Variants in LIMD1 observed in about 807,000 individuals in gnomAD.
LIMD1 encodes the protein LIM domain-containing protein 1.
A neutral mutation model predicts 58.4 loss-of-function variants in LIMD1; 23 were observed. The ratio of observed to expected loss-of-function variants is 0.39; its 90% CI spans 0.28 to 0.56. LIMD1 has a LOEUF of 0.56. Ranked by LOEUF, LIMD1 falls within the 20% of genes least tolerant of loss-of-function variation. The pLI is 0.57. For missense variants in LIMD1, 838 were observed against 855.5 expected, an observed-to-expected ratio of 0.98 and a Z score of 0.25; for synonymous variants, 334 against 345.5, an observed-to-expected ratio of 0.97 and a Z score of 0.37.
At chr3:45,634,536 A>G (rs550374884) in intron 1 of LIMD1, among the ~76,000 whole-genome samples, 1 of 152,350 alleles carries the variant, frequency 6.6e-6, no homozygotes, top group East Asian at 1.9e-4. Context: ...TGTCATCCTT[A>G]TAATTTGCCT....
intron 2 of LIMD1, among the ~76,000 whole-genome samples, chr3:45,644,806 G>A (rs1280235904): frequency 6.6e-6 from 1 of 152,190 alleles, no homozygotes. Flanking sequence ...TTCAGCCGCT[G>A]CCTTGGGGTT....
At chr3:45,662,495 C>T (rs1000184937) in intron 2 of LIMD1, among the ~76,000 whole-genome samples, 1 of 152,074 alleles carries the variant, frequency 6.6e-6, no homozygotes, top group Non-Finnish European at 1.5e-5. Context: ...TTACCTATCA[C>T]CCAGAATGCA....
rs1449762131 is a variant in LIMD1 at position 45,681,765 on chromosome 3, A to C, written c.*4706A>C. 1 of 152,242 alleles carries C rather than the reference A, an allele frequency of 6.6e-6. No individual in the cohort carries two copies. Among genetic ancestry groups the C allele is most frequent in the Non-Finnish European group, 1.5e-5 (1 of 68,050 alleles). 9.4% of individuals were successfully genotyped at this position (152,242 alleles called of 1,614,324 possible). ...AACCTGGCAATTGGTGTCTATTCTT[A>C]CCAGATGTATAAAAATGTGAGAGGC... On this transcript the variant is annotated 3_prime_UTR_variant, in exon 8 of 8. Transcript: ENST00000273317.
intron 1 of LIMD1, among the ~76,000 whole-genome samples, chr3:45,627,068 C>T (rs545146322): frequency 6.6e-6 from 1 of 152,232 alleles, no homozygotes; most frequent in South Asian, 2.1e-4. Flanking sequence ...GAAGGAGAGG[C>T]CCTGGGCACA....
chr3:45,595,636 G>C lies in LIMD1; in HGVS notation c.757G>C (p.Gly253Arg). 1.2e-6 allele frequency: 2 copies of C among 1,614,000 alleles called. No homozygotes were observed. The highest frequency in any genetic ancestry group is 2.7e-5 in the African/African-American group (2 of 75,004). Reference sequence around the variant, plus strand: ...CGGTGGTCAGAATAGTGGCATTGGTGGCCGCAGCAGCGAGAAGCCAACAGG... The same window carrying C: ...CGGTGGTCAGAATAGTGGCATTGGTCGCCGCAGCAGCGAGAAGCCAACAGG... ...SLGGQNSGIG[G>R]RSSEKPTGLW... is the part of the protein sequence containing the mutation. Residue 253 changes from glycine to arginine, a missense_variant, in exon 1 of 8, where the codon GGC (glycine) becomes CGC (arginine). By Grantham distance (125) the Gly-to-Arg change is moderately radical. Coordinates refer to ENST00000273317, the MANE Select transcript of LIMD1 (RefSeq NM_014240.3).
At chr3:45,625,632 T>G (rs1379022496) in intron 1 of LIMD1, among the ~76,000 whole-genome samples, 1 of 152,060 alleles carries the variant, frequency 6.6e-6, no homozygotes, top group Non-Finnish European at 1.5e-5. Context: ...GGTGATTAGG[T>G]CATGAAGACT....
intron 1 of LIMD1, among the ~76,000 whole-genome samples, chr3:45,630,613 C>A (rs1471699999): frequency 6.6e-6 from 1 of 151,054 alleles, no homozygotes; most frequent in African/African-American, 2.4e-5. Flanking sequence ...GGAGGTGGGC[C>A]AGGGTGGGTA....
intron 4 of LIMD1, among the ~76,000 whole-genome samples, chr3:45,671,897 A>G (rs193145185): frequency 7.2e-5 from 11 of 152,308 alleles, no homozygotes; most frequent in African/African-American, 2.6e-4. Flanking sequence ...TAATTCAGTT[A>G]CTTACGGACC....
At chr3:45,676,828 A>T in intron 7 of LIMD1, 94 bp from the exon 8 acceptor site, 1 of 1,232,300 alleles carries the variant, frequency 8.1e-7, no homozygotes, top group Non-Finnish European at 1.2e-6. Context: ...AGAAACACAC[A>T]GCACCCTCTG....
intron 1 of LIMD1, among the ~76,000 whole-genome samples, chr3:45,601,407 T>C (rs1186513433): frequency 2.0e-5 from 3 of 152,188 alleles, no homozygotes; most frequent in Admixed American, 2.0e-4. Context: ...GCAGCTGGGA[T>C]AGTCTCTTCA....
chr3:45,636,305 A>C, intron 2 of LIMD1, 54 bp downstream of exon 2: 1 of 1,306,586 alleles, frequency 7.7e-7, no homozygotes, highest in Non-Finnish European at 1.1e-6. Flanking sequence ...GAACATGGGA[A>C]CCGAGAAAGG....
At chr3:45,622,851 A>G (rs1339916260) in intron 1 of LIMD1, among the ~76,000 whole-genome samples, 2 of 151,966 alleles carry the variant, frequency 1.3e-5, no homozygotes, top group Non-Finnish European at 2.9e-5. Context: ...TATTTTTAGT[A>G]GAGACAGGGT....
rs1575371270 is a variant in LIMD1 at position 45,679,760 on chromosome 3, T to C, written c.*2701T>C. 6.6e-6 allele frequency: 1 copy of C among 152,294 alleles called. No homozygotes were observed. Among genetic ancestry groups the C allele is most frequent in the East Asian group, 1.9e-4 (1 of 5,190 alleles). 9.4% of individuals were successfully genotyped at this position (152,294 alleles called of 1,614,324 possible). On this transcript the variant is annotated 3_prime_UTR_variant, in exon 8 of 8. Transcript: ENST00000273317. ...TTGGGACATTCAGAAACTGCCTGGGTGGTTTGAGAAGAGACAACCCAGTTT... is the reference window on the plus strand; with the variant it reads ...TTGGGACATTCAGAAACTGCCTGGGCGGTTTGAGAAGAGACAACCCAGTTT...
At chr3:45,609,921 C>T (rs914943267) in intron 1 of LIMD1, among the ~76,000 whole-genome samples, 2 of 152,132 alleles carry the variant, frequency 1.3e-5, no homozygotes, top group African/African-American at 2.4e-5. Flanking sequence ...AGGCTGGGTG[C>T]GGTGGCCCAT....
In LIMD1 at chr3:45,595,688, G is replaced by C; in HGVS notation, c.809G>C (p.Arg270Pro). Reference sequence around the variant, plus strand: ...CTTTGGTCCACTGCCTCCTCCCAGCGGGTGAGCCCTGGCCTGCCTTCCCCA... The same window carrying C: ...CTTTGGTCCACTGCCTCCTCCCAGCCGGTGAGCCCTGGCCTGCCTTCCCCA... ...TGLWSTASSQ[R>P]VSPGLPSPNL... Residue 270 changes from arginine (R) to proline (P), a missense_variant, in exon 1 of 8, where the codon CGG (arginine) becomes CCG (proline). By Grantham distance (103) the Arg-to-Pro change is moderately radical. Around this residue, in one of 3 missense-constraint regions of LIMD1, gnomAD observed 659 missense variants for 639.8 expected, o/e 1.03. Transcript: ENST00000273317. 1.2e-6 allele frequency: 2 copies of C among 1,614,160 alleles called. No homozygotes were observed. Among genetic ancestry groups the C allele is most frequent in the South Asian group, 1.1e-5 (1 of 91,084 alleles).
intron 1 of LIMD1, among the ~76,000 whole-genome samples, chr3:45,606,785 A>ATTTTGTTTTGTTTTGTC (rs1701471815): frequency 6.6e-6 from 1 of 151,992 alleles, no homozygotes; most frequent in East Asian, 1.9e-4. Context: ...CTTGAACCAA[A>ATTTTGTTTTGTTTTGTC]TTTTGTTTTG....
chr3:45,621,430 G>A (rs1176155815), intron 1 of LIMD1, among the ~76,000 whole-genome samples: 1 of 151,988 alleles, frequency 6.6e-6, no homozygotes, highest in Non-Finnish European at 1.5e-5. Context: ...TGTAGAGACA[G>A]GGGTCTTACT....
intron 1 of LIMD1, among the ~76,000 whole-genome samples, chr3:45,612,066 G>GCA (rs1491499363): frequency 3.0e-5 from 3 of 100,132 alleles, no homozygotes; most frequent in East Asian, 2.1e-4. Context: ...GTTTGCAGGT[G>GCA]CGCGCTCTCT....
chr3:45,639,177 A>AT (rs1701817164), intron 2 of LIMD1, among the ~76,000 whole-genome samples: 2 of 151,566 alleles, frequency 1.3e-5, no homozygotes, highest in African/African-American at 2.4e-5. Flanking sequence ...ACCCTTGAGC[A>AT]TTTTTTTCAT....
Sources: gnomAD v4.1 joint callset for allele counts (sites outside exome capture counted in the v4.1 genomes callset) on GRCh38, gnomAD v4.1.1 for gene constraint, gnomAD v4.1.1 regional missense constraint, MANE v1.5 for transcripts, NCBI Gene and HGNC (gene_info 2026-07-23, HGNC 2026-07-21) for gene names.